ATAD3A: variants seen among roughly 807,000 people sequenced by gnomAD.
ATAD3A encodes the protein ATPase family AAA domain-containing protein 3A.
Under a neutral mutation model 73.8 loss-of-function variants are expected in ATAD3A, and 46 were observed. The ratio of observed to expected loss-of-function variants is 0.62; its 90% CI spans 0.49 to 0.80. The LOEUF is 0.80. ATAD3A is among the 30% of genes least tolerant of loss of function. The pLI is 0.00. For synonymous variants in ATAD3A, 319 were observed against 350.0 expected, an observed-to-expected ratio of 0.91 and a Z score of 0.99; for missense variants, 705 against 838.0, an observed-to-expected ratio of 0.84 and a Z score of 1.96.
intron 1 of ATAD3A, among the ~76,000 whole-genome samples, chr1:1,513,683 C>T (rs911389804): frequency 6.6e-6 from 1 of 152,126 alleles, no homozygotes; most frequent in African/African-American, 2.4e-5. Flanking sequence ...AGAGGTTTCT[C>T]CAGAGTTGAC....
intron 13 of ATAD3A, chr1:1,527,077 A>T (rs986411966): frequency 1.4e-4 from 139 of 982,504 alleles, no homozygotes; most frequent in Non-Finnish European, 1.7e-4. Flanking sequence ...GGTCCCCCAT[A>T]GGGTGACCGC....
intron 15 of ATAD3A, among the ~76,000 whole-genome samples, chr1:1,531,194 C>A (rs1642022257): frequency 6.6e-6 from 1 of 152,114 alleles, no homozygotes; most frequent in Admixed American, 6.6e-5. Flanking sequence ...GTGGCTCACA[C>A]CTGTAATCCT....
Position 1,520,350 on chromosome 1 carries a change from C to T in ATAD3A, c.680+44C>T, listed in dbSNP as rs769850983. The T allele has an allele frequency of 4.9e-5, 78 of 1,603,828 alleles. No individual in the cohort carries two copies. The highest frequency in any genetic ancestry group is 6.4e-5 in the Non-Finnish European group (75 of 1,172,606). On this transcript the variant is annotated intron_variant, in intron 6 of 15. Transcript: ENST00000378756. This position sits in a 1 kb window ranked among gnomAD's most constrained non-coding sequence, Gnocchi z 4.0. ...CGGGCCGGCCACAGATGGAGCCCCG[C>T]AGGTGTGAGTCGCTGGTCCCAGGGC...
At chr1:1,525,184 C>G in intron 11 of ATAD3A, 56 bp from the exon 12 acceptor site, 3 of 1,610,742 alleles carry the variant, frequency 1.9e-6, no homozygotes, top group Middle Eastern at 1.9e-4. Context: ...CCGGACGCTG[C>G]TGTGGGCTGC....
chr1:1,523,220 T>C lies in ATAD3A; in HGVS notation c.907-291T>C, dbSNP rs1262358487. ...AGCTGCTACAGGCCACGGCGTCTGG[T>C]GGCCTCCCTGGGGAGCCGCGCCGCT... On this transcript the variant is annotated intron_variant, in intron 8 of 15. Transcript: ENST00000378756. The surrounding 1 kb of genome is among the most constrained non-coding windows in gnomAD (Gnocchi z 5.1). 1.3e-4 allele frequency among the ~76,000 whole-genome samples: 20 copies of C among 152,130 alleles called. No homozygotes were observed. The East Asian group carries it at 2.5e-3, about 19-fold the overall frequency.
Position 1,525,170 on chromosome 1 carries a change from G to A in ATAD3A, c.1215-70G>A, listed in dbSNP as rs372683595. On this transcript the variant is annotated intron_variant, in intron 11 of 15. Coordinates refer to ENST00000378756, the MANE Select transcript of ATAD3A (RefSeq NM_001170535.3). ...TCTGCCTGCTTGGCCTGCTCCTGCC[G>A]CGGCCGGACGCTGCTGTGGGCTGCT... The A allele has an allele frequency of 3.9e-3, 6,240 of 1,603,854 alleles. 11 individuals are homozygous for A. Among genetic ancestry groups the A allele is most frequent in the Non-Finnish European group, 4.8e-3 (5,665 of 1,173,730 alleles).
intron 5 of ATAD3A, 77 bp downstream of exon 5, chr1:1,519,067 G>A (rs1223522606): frequency 6.2e-7 from 1 of 1,610,512 alleles, no homozygotes; most frequent in African/African-American, 1.3e-5. Flanking sequence ...CTGAGCCTGA[G>A]TTCTGCCGCC....
At chr1:1,517,690 G>A in intron 3 of ATAD3A, 26 bp from the exon 4 acceptor site, 4 of 1,262,610 alleles carry the variant, frequency 3.2e-6, no homozygotes, top group Non-Finnish European at 4.6e-6. Context: ...GCTGAGATGT[G>A]TCTTTGCCGC....
chr1:1,514,784 G>A (rs922283603), intron 1 of ATAD3A, among the ~76,000 whole-genome samples: 8 of 152,218 alleles, frequency 5.3e-5, no homozygotes, highest in African/African-American at 1.4e-4. Flanking sequence ...GACGGGCTGC[G>A]GGAGGAAGAG....
chr1:1,518,621 A>ACTCCC (rs1553125091), intron 4 of ATAD3A, among the ~76,000 whole-genome samples: 992 of 38,014 alleles, frequency 0.026, 1 homozygote, highest in East Asian at 0.12. Flanking sequence ...GGGCGTACAC[A>ACTCCC]CCCCCCCCCA....
At chr1:1,518,378 C>T (rs114442937) in intron 4 of ATAD3A, among the ~76,000 whole-genome samples, 2,476 of 146,418 alleles carry the variant, frequency 0.017, 66 homozygotes, top group African/African-American at 0.058. Context: ...CACACACAGG[C>T]GCACACCCAC....
intron 10 of ATAD3A, 84 bp downstream of exon 10, chr1:1,524,048 G>A: frequency 3.1e-6 from 5 of 1,606,574 alleles, no homozygotes; most frequent in Non-Finnish European, 4.2e-6. Flanking sequence ...CAGCTGCCTG[G>A]GGAATGGACC....
intron 15 of ATAD3A, among the ~76,000 whole-genome samples, chr1:1,533,221 C>T (rs902706240): frequency 4.6e-5 from 7 of 152,342 alleles, no homozygotes; most frequent in South Asian, 4.1e-4. Flanking sequence ...TGTCCTGGTG[C>T]GCTCCTGAGC....
At chr1:1,515,984 C>G in intron 1 of ATAD3A, 28 bp from the exon 2 acceptor site, 2 of 1,613,548 alleles carry the variant, frequency 1.2e-6, no homozygotes, top group Non-Finnish European at 1.7e-6. Flanking sequence ...TATCCTAACA[C>G]CTGCCCTCCG....
intron 1 of ATAD3A, among the ~76,000 whole-genome samples, chr1:1,513,418 C>A (rs1218304699): frequency 6.6e-6 from 1 of 151,334 alleles, no homozygotes; most frequent in Non-Finnish European, 1.5e-5. Context: ...GCCGCCTCCC[C>A]ATAGTGCAGA....
At chr1:1,521,315 A>C (rs1557465276) in intron 7 of ATAD3A, among the ~76,000 whole-genome samples, 2 of 150,716 alleles carry the variant, frequency 1.3e-5, no homozygotes, top group Non-Finnish European at 3.0e-5. Context: ...AAAAAAAAAA[A>C]AAAAAAAAAA....
chr1:1,523,475 G>A lies in ATAD3A; in HGVS notation c.907-36G>A, dbSNP rs760475049. 5 of 1,604,924 alleles carry A rather than the reference G, an allele frequency of 3.1e-6. No homozygotes were observed. Among genetic ancestry groups the A allele is most frequent in the Non-Finnish European group, 4.3e-6 (5 of 1,176,258 alleles). ...TGGTGGCTGTTCCGTGGCTGTGGCA[G>A]GTGACCCGATGGCGCTTCCCCTTCC... On this transcript the variant is annotated intron_variant, in intron 8 of 15. Transcript: ENST00000378756. This position sits in a 1 kb window ranked among gnomAD's most constrained non-coding sequence, Gnocchi z 5.1.
At chr1:1,527,106 A>C (rs543475440) in intron 13 of ATAD3A, 4 of 1,216,516 alleles carry the variant, frequency 3.3e-6, no homozygotes, top group East Asian at 1.1e-4. Context: ...CAGGCTCCCT[A>C]GTCCCTCCCA....
intron 14 of ATAD3A, 25 bp from the exon 15 acceptor site, chr1:1,529,198 G>C (rs777618305): frequency 2.5e-6 from 4 of 1,607,080 alleles, no homozygotes; most frequent in South Asian, 2.2e-5. Context: ...GCCTTGGCCG[G>C]CCCACTTGGG....
Sources: gnomAD v4.1 joint callset for allele counts (sites outside exome capture counted in the v4.1 genomes callset) on GRCh38, gnomAD v4.1.1 for gene constraint, Gnocchi (gnomAD v3.1) non-coding constraint, MANE v1.5 for transcripts, NCBI Gene and HGNC (gene_info 2026-07-23, HGNC 2026-07-21) for gene names.